Variants in PTPRT observed in about 807,000 individuals in gnomAD.
The protein encoded by PTPRT is receptor-type tyrosine-protein phosphatase T.
In PTPRT, 56 loss-of-function variants were observed where a neutral mutation model predicts 176.8. The ratio of observed to expected loss-of-function variants is 0.32; its 90% confidence interval spans 0.26 to 0.40. The LOEUF is 0.40. PTPRT is among the 10% of genes least tolerant of loss of function. PTPRT has a pLI of 1.00. For synonymous variants in PTPRT, 783 were observed against 739.0 expected (o/e 1.06, Z -0.96); for missense variants, 1,540 against 1,908.2 (o/e 0.81, Z 3.60).
At chr20:42,923,921 T>G (rs955741053) in intron 1 of PTPRT, among the ~76,000 whole-genome samples, 4 of 152,096 alleles carry the variant, frequency 2.6e-5, no homozygotes, top group Admixed American at 6.5e-5. Flanking sequence ...CTCAGCTCAC[T>G]GCAGCCTTCA....
At chr20:42,815,548 G>A (rs2077768287) in intron 2 of PTPRT, among the ~76,000 whole-genome samples, 1 of 152,164 alleles carries the variant, frequency 6.6e-6, no homozygotes, top group South Asian at 2.1e-4. Context: ...GTTGTCATCT[G>A]CTTCCTAACG....
rs564948382 is a variant in PTPRT at position 42,634,856 on chromosome 20, T to A, written c.1153+43010A>T. On this transcript the variant is annotated intron_variant, in intron 7 of 30. Transcript: ENST00000373187. ...AACAAATCATTATAACTTGACTTAT[T>A]ATACCTCAATTTGATTATAAAACAA... 6.2e-4 allele frequency among the ~76,000 whole-genome samples: 95 copies of A among 152,234 alleles called. 1 individual carries two copies. Among genetic ancestry groups the A allele is most frequent in the African/African-American group, 2.1e-3 (86 of 41,522 alleles).
intron 15 of PTPRT, among the ~76,000 whole-genome samples, chr20:42,225,210 T>A (rs574358959): frequency 6.6e-6 from 1 of 152,314 alleles, no homozygotes; most frequent in African/African-American, 2.4e-5. Flanking sequence ...ATTCTTCTTC[T>A]ACTTAACCTA....
chr20:43,182,838 A>AAAAAC (rs201441385), intron 1 of PTPRT, among the ~76,000 whole-genome samples: 9 of 152,130 alleles, frequency 5.9e-5, no homozygotes, highest in East Asian at 5.8e-4. Context: ...AAGGCGCAAA[A>AAAAAC]AAAACAAAAC....
chr20:42,716,584 T>A (rs983120475), intron 6 of PTPRT, among the ~76,000 whole-genome samples: 2 of 152,214 alleles, frequency 1.3e-5, no homozygotes, highest in African/African-American at 4.8e-5. Flanking sequence ...CTTCACCCAC[T>A]TTTTGATGGG....
rs188167677 is a variant in PTPRT, at chr20:42,447,210, G to A, written c.1560+1010C>T. Among the ~76,000 whole-genome samples the A allele has an allele frequency of 6.6e-4, 101 of 152,124 alleles. 3 individuals carry two copies. The highest frequency in any genetic ancestry group is 1.6e-4 in the Non-Finnish European group (11 of 68,018). Reference sequence around the variant, plus strand: ...AGCTCTCAGTGACTTAAGCCTCTTCGTGGGCCTGTGGTACATGTTTCAGTC... The same window carrying A: ...AGCTCTCAGTGACTTAAGCCTCTTCATGGGCCTGTGGTACATGTTTCAGTC... On this transcript the variant is annotated intron_variant, in intron 9 of 30. Coordinates refer to ENST00000373187, the MANE Select transcript of PTPRT (RefSeq NM_007050.6).
intron 14 of PTPRT, 29 bp from the exon 15 acceptor site, chr20:42,236,287 G>T: frequency 6.5e-7 from 1 of 1,545,004 alleles, no homozygotes; most frequent in Non-Finnish European, 8.9e-7. Context: ...TCAGATGAAG[G>T]AAATGTCCAA....
At chr20:43,162,015 C>G (rs1336185356) in intron 1 of PTPRT, among the ~76,000 whole-genome samples, 1 of 152,188 alleles carries the variant, frequency 6.6e-6, no homozygotes, top group Non-Finnish European at 1.5e-5. Flanking sequence ...TGCAACATTA[C>G]CATGCTAATA....
chr20:42,241,148 T>C (rs1420420627), intron 14 of PTPRT, among the ~76,000 whole-genome samples: 5 of 152,192 alleles, frequency 3.3e-5, no homozygotes, highest in Non-Finnish European at 7.3e-5. Context: ...TAATAGCTAT[T>C]ACATTGTATT....
At chr20:42,665,526 A>T (rs369667980) in intron 7 of PTPRT, among the ~76,000 whole-genome samples, 12 of 152,130 alleles carry the variant, frequency 7.9e-5, no homozygotes, top group African/African-American at 2.7e-4. Context: ...ATTGTGGAAG[A>T]CAGTGTGGCG....
At chr20:43,066,212 G>T (rs2011110709) in intron 1 of PTPRT, among the ~76,000 whole-genome samples, 1 of 152,172 alleles carries the variant, frequency 6.6e-6, no homozygotes, top group Admixed American at 6.5e-5. Flanking sequence ...ACACCCACCA[G>T]TCTGTGTCAC....
At chr20:42,055,144 G>A in the PTPRT span, among the ~76,000 whole-genome samples, 1 of 152,330 alleles carries the variant, frequency 6.6e-6, no homozygotes, top group East Asian at 1.9e-4. Flanking sequence ...ATTCCAGTGA[G>A]CAGGTGTGCT....
chr20:42,850,794 T>C (rs540294970), intron 2 of PTPRT, among the ~76,000 whole-genome samples: 2 of 152,294 alleles, frequency 1.3e-5, no homozygotes, highest in South Asian at 2.1e-4. Flanking sequence ...CTTTGGAGCA[T>C]CCCCTCCTGA....
intron 1 of PTPRT, among the ~76,000 whole-genome samples, chr20:43,132,646 TG>T (rs2013678921): frequency 6.6e-6 from 1 of 152,192 alleles, no homozygotes; most frequent in Non-Finnish European, 1.5e-5. Flanking sequence ...TTTAAGGATT[TG>T]AGGAGACTTC....
intron 2 of PTPRT, among the ~76,000 whole-genome samples, chr20:42,827,246 A>G (rs2078010138): frequency 6.6e-6 from 1 of 152,184 alleles, no homozygotes; most frequent in Non-Finnish European, 1.5e-5. Context: ...AAACAACAGA[A>G]TATACATTCT....
chr20:43,002,229 G>A (rs1224945782), intron 1 of PTPRT, among the ~76,000 whole-genome samples: 2 of 152,176 alleles, frequency 1.3e-5, no homozygotes, highest in Admixed American at 6.5e-5. Flanking sequence ...GTGGAACAGT[G>A]AAGTCAATTA....
intron 7 of PTPRT, among the ~76,000 whole-genome samples, chr20:42,647,072 T>C (rs1161504501): frequency 1.3e-5 from 2 of 151,578 alleles, no homozygotes; most frequent in African/African-American, 4.9e-5. Context: ...TTTTAAAAAT[T>C]GTTTTGTAGA....
At chr20:42,288,565 G>GGAAACAA (rs1481781519) in intron 12 of PTPRT, among the ~76,000 whole-genome samples, 28 of 151,812 alleles carry the variant, frequency 1.8e-4, no homozygotes, top group African/African-American at 6.8e-4. Flanking sequence ...CCATCTTTAT[G>GGAAACAA]TCCATGTGTA....
At chr20:42,250,615 C>T (rs1349266591) in intron 13 of PTPRT, among the ~76,000 whole-genome samples, 2 of 152,200 alleles carry the variant, frequency 1.3e-5, no homozygotes, top group African/African-American at 4.8e-5. Flanking sequence ...TGGTAAGTCA[C>T]CCTATTCATC....
Sources: allele counts gnomAD v4.1 joint callset (sites outside exome capture counted in the v4.1 genomes callset), GRCh38; gene constraint gnomAD v4.1.1; transcripts MANE v1.5; gene names NCBI Gene and HGNC (gene_info 2026-07-23, HGNC 2026-07-21).